The following DOK6 variants were observed in gnomAD, a reference collection of about 807,000 sequenced individuals.
DOK6 encodes the protein docking protein 6.
DOK6 carries 22 observed loss-of-function variants against 44.0 expected under a neutral mutation model. The observed-to-expected ratio is 0.50, with a 90% confidence interval of 0.36 to 0.71. DOK6 has a LOEUF of 0.71. Ranked by LOEUF, DOK6 falls within the 30% of genes least tolerant of loss-of-function variation. The probability of loss-of-function intolerance (pLI) is 0.00; values close to 1 mark genes in which losing one functional copy is unlikely to be tolerated. For missense variants in DOK6, 340 were observed against 416.4 expected (o/e 0.82, Z 1.60); for synonymous variants, 166 against 145.5 (o/e 1.14, Z -1.01).
intron 3 of DOK6, among the ~76,000 whole-genome samples, chr18:69,613,747 C>A (rs1441040209): frequency 6.6e-6 from 1 of 151,772 alleles, no homozygotes; most frequent in Non-Finnish European, 1.5e-5. Context: ...ATTTTTAAGT[C>A]TGAATTACCT....
intron 2 of DOK6, among the ~76,000 whole-genome samples, chr18:69,583,493 C>T (rs1251848078): frequency 6.6e-6 from 1 of 152,170 alleles, no homozygotes; most frequent in Non-Finnish European, 1.5e-5. Context: ...CTTGTATTAT[C>T]TGTCATTAAC....
intron 1 of DOK6, among the ~76,000 whole-genome samples, chr18:69,485,887 G>GTA (rs1371683604): frequency 6.6e-6 from 1 of 150,968 alleles, no homozygotes; most frequent in Non-Finnish European, 1.5e-5. Flanking sequence ...ATATATGTGT[G>GTA]TGTGTGTGTG....
intron 1 of DOK6, among the ~76,000 whole-genome samples, chr18:69,427,178 C>T (rs1344825584): frequency 1.3e-5 from 2 of 152,060 alleles, no homozygotes; most frequent in Non-Finnish European, 2.9e-5. Context: ...CATGTGCTGT[C>T]TCTCTCTCCC....
At chr18:69,679,497 C>T (rs1215894566) in intron 4 of DOK6, among the ~76,000 whole-genome samples, 1 of 152,194 alleles carries the variant, frequency 6.6e-6, no homozygotes, top group Non-Finnish European at 1.5e-5. Context: ...CAGTTCCTCT[C>T]CCACACTCTC....
intron 1 of DOK6, among the ~76,000 whole-genome samples, chr18:69,562,387 T>A (rs1003588031): frequency 6.6e-6 from 1 of 152,170 alleles, no homozygotes; most frequent in South Asian, 2.1e-4. Flanking sequence ...GTTCCATTGG[T>A]CTATATCTCT....
intron 6 of DOK6, among the ~76,000 whole-genome samples, chr18:69,744,856 G>A (rs561855471): frequency 6.7e-6 from 1 of 149,560 alleles, no homozygotes; most frequent in Non-Finnish European, 1.5e-5. Flanking sequence ...AACCTGGGAG[G>A]CAGAGGTTGC....
At chr18:69,475,421 GA>G (rs1376087362) in intron 1 of DOK6, among the ~76,000 whole-genome samples, 1 of 152,114 alleles carries the variant, frequency 6.6e-6, no homozygotes, top group African/African-American at 2.4e-5. Context: ...AAAAAATCAA[GA>G]AATTTGACAT....
chr18:69,564,133 T>A (rs1982911657), intron 1 of DOK6, among the ~76,000 whole-genome samples: 1 of 152,068 alleles, frequency 6.6e-6, no homozygotes. Context: ...ATGTAAGTGC[T>A]TCACTTAACT....
At chr18:69,457,065 A>C (rs1482659719) in intron 1 of DOK6, among the ~76,000 whole-genome samples, 1 of 152,164 alleles carries the variant, frequency 6.6e-6, no homozygotes, top group Non-Finnish European at 1.5e-5. Flanking sequence ...TTGGATGCAT[A>C]GTGTGTGAAT....
intron 1 of DOK6, 29 bp from the exon 2 acceptor site, chr18:69,564,458 G>T (rs150855398): frequency 1.3e-6 from 2 of 1,591,130 alleles, no homozygotes; most frequent in Non-Finnish European, 8.6e-7. Flanking sequence ...TAAAAATATG[G>T]ATAATGGGAT....
chr18:69,459,174 A>C (rs1483503752), intron 1 of DOK6, among the ~76,000 whole-genome samples: 2 of 102,452 alleles, frequency 2.0e-5, no homozygotes, highest in African/African-American at 7.7e-5. Flanking sequence ...GAGAAATCTC[A>C]AAAAAAAATA....
intron 3 of DOK6, among the ~76,000 whole-genome samples, chr18:69,667,105 G>T (rs191148969): frequency 9.8e-4 from 149 of 152,206 alleles, no homozygotes; most frequent in African/African-American, 3.4e-3. Context: ...GTCCATGTCA[G>T]CTACATGCTC....
chr18:69,641,662 A>G (rs1212132905), intron 3 of DOK6, among the ~76,000 whole-genome samples: 1 of 152,236 alleles, frequency 6.6e-6, no homozygotes, highest in East Asian at 1.9e-4. Flanking sequence ...GAATCTCTGC[A>G]ATGAGAATGC....
At chr18:69,663,730 C>T (rs1599250429) in intron 3 of DOK6, among the ~76,000 whole-genome samples, 1 of 152,052 alleles carries the variant, frequency 6.6e-6, no homozygotes, top group Admixed American at 6.6e-5. Flanking sequence ...ATTTTGGAAC[C>T]AACTGAAGGC....
At chr18:69,409,622 T>G (rs779964603) in intron 1 of DOK6, among the ~76,000 whole-genome samples, 5 of 152,224 alleles carry the variant, frequency 3.3e-5, no homozygotes, top group Admixed American at 3.3e-4. Context: ...AGGAAAGTTT[T>G]TAATTCTATA....
At chr18:69,477,886 G>T (rs1980311160) in intron 1 of DOK6, among the ~76,000 whole-genome samples, 3 of 152,124 alleles carry the variant, frequency 2.0e-5, no homozygotes, top group Non-Finnish European at 2.9e-5. Context: ...ACTGTGAAAA[G>T]AACACTACTG....
In DOK6 at chr18:69,712,260, G is replaced by A. The variant is rs1269251282; in HGVS notation, c.599+13667G>A. Among the ~76,000 whole-genome samples the A allele has an allele frequency of 3.6e-3, 362 of 99,388 alleles. 5 individuals are homozygous for A. The highest frequency in any genetic ancestry group is 0.014 in the African/African-American group (345 of 25,008). The allele number at this position is 99,388 out of a possible 152,430, so 65.2% of individuals were successfully genotyped here. A position where few individuals can be genotyped will look rare whatever the true frequency, so the allele number is the denominator to read the frequency against. On this transcript the variant is annotated intron_variant, in intron 5 of 7. Transcript: ENST00000382713. The stretch of plus-strand genomic sequence containing the variant: ...CCCGCCACTGCACTCCAGCCTGGGC[G>A]ACAGAGCGAGACTCCGTCTCAAAAA...
chr18:69,756,135 A>G (rs9953803), intron 6 of DOK6, among the ~76,000 whole-genome samples: 83,163 of 152,096 alleles, frequency 0.55, 25,371 homozygotes, highest in East Asian at 0.71. Flanking sequence ...CAAGTCCCAT[A>G]TGAGCAATGA....
intron 1 of DOK6, among the ~76,000 whole-genome samples, chr18:69,546,225 C>G (rs1451774483): frequency 6.7e-6 from 1 of 148,436 alleles, no homozygotes; most frequent in South Asian, 2.2e-4. Context: ...TGCGGTGACC[C>G]GAGATCTCAC....
Sources: gnomAD v4.1 joint callset for allele counts (sites outside exome capture counted in the v4.1 genomes callset) on GRCh38, gnomAD v4.1.1 for gene constraint, MANE v1.5 for transcripts, NCBI Gene and HGNC (gene_info 2026-07-23, HGNC 2026-07-21) for gene names.